Variants in PTPN22 observed in about 807,000 individuals in gnomAD.
PTPN22 encodes the protein protein tyrosine phosphatase non-receptor type 22.
PTPN22 carries 85 observed loss-of-function variants against 103.3 expected under a neutral mutation model. That is an observed-to-expected ratio of 0.82 (90% confidence interval 0.69 to 0.99). The LOEUF (loss-of-function observed/expected upper bound fraction) is 0.99. Ranked by LOEUF, PTPN22 falls within the 50% of genes least tolerant of loss-of-function variation. The pLI is 0.00. For synonymous variants in PTPN22, 323 were observed against 310.2 expected, an observed-to-expected ratio of 1.04 and a Z score of -0.43; for missense variants, 865 against 936.9, an observed-to-expected ratio of 0.92 and a Z score of 1.00.
At position 113,814,983 on chromosome 1, in the gene PTPN22, T is replaced by C. The variant is rs762671284; in HGVS notation, c.2360-14A>G. 1 of 1,588,008 alleles carries C rather than the reference T, an allele frequency of 6.3e-7. No individual in the cohort carries two copies. The highest frequency in any genetic ancestry group is 8.6e-7 in the Non-Finnish European group (1 of 1,161,824). On this transcript the variant is annotated splice_polypyrimidine_tract_variant and intron_variant, in intron 20 of 20. Coordinates refer to ENST00000359785, the Ensembl canonical transcript of PTPN22. ...GGTTTGCAAAACCTGGGAACAAAAA[T>C]AAAGTTGAATGAAAAGAAAGATGTT...
chr1:113,866,511 A>AAACAACAACAAC (rs374580486), intron 1 of PTPN22, among the ~76,000 whole-genome samples: 1 of 150,818 alleles, frequency 6.6e-6, no homozygotes, highest in Non-Finnish European at 1.5e-5. Context: ...CTCCATCTCA[A>AAACAACAACAAC]AACAACAACA....
intron 11 of PTPN22, among the ~76,000 whole-genome samples, chr1:113,844,768 AT>A (rs1301682952): frequency 6.6e-6 from 1 of 152,090 alleles, no homozygotes; most frequent in East Asian, 1.9e-4. Flanking sequence ...ATTTCCAAGG[AT>A]TTGGATACTT....
chr1:113,859,959 CTT>C (rs35810164), intron 1 of PTPN22, among the ~76,000 whole-genome samples: 1,493 of 114,798 alleles, frequency 0.013, 22 homozygotes, highest in African/African-American at 0.042. Flanking sequence ...AAAGCAGTCA[CTT>C]TTTTTTTTTT....
intron 13 of PTPN22, among the ~76,000 whole-genome samples, chr1:113,836,297 CAG>C (rs550474339): frequency 5.4e-4 from 83 of 152,296 alleles, no homozygotes; most frequent in African/African-American, 1.9e-3. Flanking sequence ...TCATCTCTAA[CAG>C]GGTGCTCATT....
chr1:113,866,336 C>A (rs1252211180), intron 1 of PTPN22, among the ~76,000 whole-genome samples: 4 of 152,082 alleles, frequency 2.6e-5, no homozygotes, highest in African/African-American at 9.7e-5. Context: ...CATGATGAAA[C>A]CCCATCTCTA....
At chr1:113,858,643 CTTT>C (rs371112671) in intron 3 of PTPN22, 70 bp from the exon 4 acceptor site, 2,992 of 693,200 alleles carry the variant, frequency 4.3e-3, no homozygotes, top group South Asian at 6.1e-3. Flanking sequence ...CCTCCGCTTC[CTTT>C]TTTTTTTTTT....
intron 13 of PTPN22, among the ~76,000 whole-genome samples, chr1:113,835,575 G>A (rs747324698): frequency 5.9e-5 from 9 of 151,882 alleles, no homozygotes; most frequent in Non-Finnish European, 7.4e-5. Flanking sequence ...ATTGAGTCAC[G>A]GTGTATCAGT....
chr1:113,830,056 C>T (rs1662425629), intron 16 of PTPN22, 27 bp from the exon 17 acceptor site: 3 of 1,475,926 alleles, frequency 2.0e-6, no homozygotes, highest in Non-Finnish European at 2.8e-6. Flanking sequence ...TACAATAAAC[C>T]AGAGAAATCC....
At chr1:113,836,744 A>G (rs1663052763) in intron 13 of PTPN22, among the ~76,000 whole-genome samples, 1 of 151,416 alleles carries the variant, frequency 6.6e-6, no homozygotes, top group Non-Finnish European at 1.5e-5. Flanking sequence ...GCTGGGCAAC[A>G]TAGCAAGACC....
At chr1:113,862,259 GGTGACA>G (rs1665679500) in intron 1 of PTPN22, among the ~76,000 whole-genome samples, 1 of 151,962 alleles carries the variant, frequency 6.6e-6, no homozygotes, top group Non-Finnish European at 1.5e-5. Flanking sequence ...CTCCAGCCTG[GGTGACA>G]GTGTGAGACT....
intron 10 of PTPN22, among the ~76,000 whole-genome samples, chr1:113,851,734 T>A (rs2102063632): frequency 6.6e-6 from 1 of 152,318 alleles, no homozygotes; most frequent in South Asian, 2.1e-4. Context: ...ACAAGTCAGT[T>A]TGTTGAATAC....
At chr1:113,829,989 T>C (rs1482973616) in exon 17 of PTPN22, 3 of 1,608,438 alleles carry the variant, frequency 1.9e-6, no homozygotes, top group Non-Finnish European at 8.5e-7. Context: ...GAGTTCTTTC[T>C]GGGAGAGGAG....
chr1:113,829,661 G>A, exon 18 of PTPN22: 5 of 1,608,636 alleles, frequency 3.1e-6, no homozygotes, highest in Non-Finnish European at 4.2e-6. Flanking sequence ...TTTCCATGGT[G>A]TCAGGATAGC....
intron 10 of PTPN22, among the ~76,000 whole-genome samples, chr1:113,849,584 T>C (rs1383945982): frequency 1.8e-5 from 2 of 113,258 alleles, no homozygotes; most frequent in East Asian, 4.2e-4. Flanking sequence ...CTTTATTTAT[T>C]TATTTATTTA....
At chr1:113,829,671 C>T (rs780598571) in exon 18 of PTPN22, 1 of 1,604,832 alleles carries the variant, frequency 6.2e-7, no homozygotes, top group Non-Finnish European at 8.5e-7. Context: ...GTCAGGATAG[C>T]TAGTAGAATA....
At chr1:113,855,675 G>A (rs1664993205) in intron 7 of PTPN22, among the ~76,000 whole-genome samples, 1 of 151,976 alleles carries the variant, frequency 6.6e-6, no homozygotes, top group Admixed American at 6.6e-5. Context: ...TAGATCTCAG[G>A]TGACCAGATG....
intron 3 of PTPN22, 134 bp downstream of exon 3, chr1:113,858,868 C>T (rs56183603): frequency 3.6e-6 from 5 of 1,404,812 alleles, no homozygotes; most frequent in African/African-American, 1.5e-5. Flanking sequence ...GAAATTCTTG[C>T]GTTCAAGTGA....
rs56191322 is a variant in PTPN22 at position 113,819,815 on chromosome 1, A to G, written c.2282-161T>C. 2.4e-3 allele frequency: 1,003 copies of G among 412,284 alleles called. 18 individuals are homozygous for G. In the East Asian group the frequency reaches 0.031, roughly 13 times the overall value. 25.5% of individuals were successfully genotyped at this position (412,284 alleles called of 1,614,324 possible). ...AGGTGCTTACAAATGGGTTGACACTATAATATTCTCATTTGTATTTTTGGT... is the reference window on the plus strand; with the variant it reads ...AGGTGCTTACAAATGGGTTGACACTGTAATATTCTCATTTGTATTTTTGGT... On this transcript the variant is annotated intron_variant, in intron 19 of 20. Coordinates refer to ENST00000359785, the Ensembl canonical transcript of PTPN22.
chr1:113,855,129 GGT>G, intron 7 of PTPN22, 80 bp from the exon 8 acceptor site: 2 of 1,277,604 alleles, frequency 1.6e-6, no homozygotes, highest in Non-Finnish European at 2.2e-6. Context: ...TCACTACCTG[GGT>G]GATGGGATTA....
Sources: gnomAD v4.1 joint callset for allele counts (sites outside exome capture counted in the v4.1 genomes callset) on GRCh38, gnomAD v4.1.1 for gene constraint, MANE v1.5 for transcripts, NCBI Gene and HGNC (gene_info 2026-07-23, HGNC 2026-07-21) for gene names.